Variants in DIS3L2 observed in about 807,000 individuals in gnomAD.
DIS3L2 encodes DIS3 like 3'-5' exoribonuclease 2.
Under a neutral mutation model 97.5 loss-of-function variants are expected in DIS3L2, and 34 were observed. The ratio of observed to expected loss-of-function variants is 0.35; its 90% CI spans 0.27 to 0.46. The LOEUF (loss-of-function observed/expected upper bound fraction) is 0.46. Among genes scored for constraint, DIS3L2 ranks in the 20% least tolerant of loss-of-function variants. The pLI, the probability that DIS3L2 is intolerant of heterozygous loss-of-function variation, is 1.00. For missense variants in DIS3L2, 1,038 were observed against 1,146.0 expected (o/e 0.91, Z 1.36); for synonymous variants, 435 against 445.2 (o/e 0.98, Z 0.29).
intron 10 of DIS3L2, among the ~76,000 whole-genome samples, chr2:232,227,457 G>A (rs896569118): frequency 6.6e-6 from 1 of 152,204 alleles, no homozygotes; most frequent in Non-Finnish European, 1.5e-5. Context: ...ATATAATGAA[G>A]TGCTTTAAAA....
At chr2:232,283,909 C>T (rs973641772) in intron 13 of DIS3L2, among the ~76,000 whole-genome samples, 1 of 152,116 alleles carries the variant, frequency 6.6e-6, no homozygotes, top group Non-Finnish European at 1.5e-5. Context: ...TAGACACACC[C>T]ATTATGCCAA....
intron 7 of DIS3L2, among the ~76,000 whole-genome samples, chr2:232,135,986 T>C (rs1306033236): frequency 6.6e-6 from 1 of 152,180 alleles, no homozygotes; most frequent in Non-Finnish European, 1.5e-5. Flanking sequence ...AATTAGAGCT[T>C]GGGCTTAATC....
intron 1 of DIS3L2, among the ~76,000 whole-genome samples, chr2:231,972,102 T>A (rs986671125): frequency 2.6e-5 from 4 of 151,722 alleles, no homozygotes; most frequent in Non-Finnish European, 5.9e-5. Flanking sequence ...GGAGAATTGC[T>A]TGAACCTGGG....
At position 232,140,065 on chromosome 2, in the gene DIS3L2, A is replaced by G. The variant is rs866991035; in HGVS notation, c.950+3346A>G. ...CTCAGTTCCTTCTGTGGTCTTCACTATCGAAAATCAAACTTGCCATTTCCC... is the reference window on the plus strand; with the variant it reads ...CTCAGTTCCTTCTGTGGTCTTCACTGTCGAAAATCAAACTTGCCATTTCCC... On this transcript the variant is annotated intron_variant, in intron 8 of 20. Transcript: ENST00000325385. 3.9e-5 allele frequency among the ~76,000 whole-genome samples: 6 copies of G among 152,270 alleles called. No individual in the cohort carries two copies. The South Asian group carries it at 8.3e-4, about 21-fold the overall frequency.
intron 9 of DIS3L2, among the ~76,000 whole-genome samples, chr2:232,203,607 A>T (rs1691953898): frequency 6.6e-6 from 1 of 152,226 alleles, no homozygotes. Flanking sequence ...GCTGGAAGGG[A>T]TATAAAGACA....
chr2:232,284,448 C>T (rs545040680), intron 13 of DIS3L2, among the ~76,000 whole-genome samples: 23 of 152,316 alleles, frequency 1.5e-4, no homozygotes, highest in African/African-American at 4.6e-4. Flanking sequence ...TTCGATACCA[C>T]GATCAATGTT....
chr2:232,032,591 A>G (rs1343537919), intron 5 of DIS3L2, among the ~76,000 whole-genome samples: 1 of 152,158 alleles, frequency 6.6e-6, no homozygotes, highest in Non-Finnish European at 1.5e-5. Flanking sequence ...TTATGTCCTG[A>G]ATGGTATTGC....
chr2:232,138,177 A>G lies in DIS3L2; in HGVS notation c.950+1458A>G, dbSNP rs115060611. On this transcript the variant is annotated intron_variant, in intron 8 of 20. Coordinates refer to ENST00000325385, the MANE Select transcript of DIS3L2 (RefSeq NM_152383.5). ...TCTCTTATTACTTTCATGGCCTTAT[A>G]GGTATTTTTTAATTTTTATTTTTTT... Among the ~76,000 whole-genome samples the G allele has an allele frequency of 2.9e-3, 435 of 152,228 alleles. 1 individual carries two copies. The highest frequency in any genetic ancestry group is 4.7e-3 in the Non-Finnish European group (323 of 68,010).
chr2:232,316,313 T>G (rs1279983425), intron 14 of DIS3L2, among the ~76,000 whole-genome samples: 1 of 152,132 alleles, frequency 6.6e-6, no homozygotes, highest in Admixed American at 6.5e-5. Context: ...TACGATTATG[T>G]CCTGTTCTTT....
At chr2:232,329,788 C>CGGGGGGGCA in intron 14 of DIS3L2, 25 bp from the exon 15 acceptor site, 2 of 1,080,634 alleles carry the variant, frequency 1.9e-6, no homozygotes, top group Non-Finnish European at 2.5e-6. Flanking sequence ...CCAGCGGTCC[C>CGGGGGGGCA]TCCCATCCCA....
At chr2:232,334,134 G>A in intron 17 of DIS3L2, 147 bp downstream of exon 17, 13 of 1,365,438 alleles carry the variant, frequency 9.5e-6, no homozygotes, top group Non-Finnish European at 1.3e-5. Context: ...AGCCTGGCCT[G>A]GAAACTCTCC....
chr2:232,202,022 C>T (rs112711661), intron 9 of DIS3L2, among the ~76,000 whole-genome samples: 1,782 of 152,286 alleles, frequency 0.012, 37 homozygotes, highest in African/African-American at 0.04. Flanking sequence ...TAAACCATGG[C>T]TTTCCTGGCC....
chr2:232,091,724 A>G (rs913601621), intron 6 of DIS3L2, among the ~76,000 whole-genome samples: 1 of 152,132 alleles, frequency 6.6e-6, no homozygotes, highest in Non-Finnish European at 1.5e-5. Flanking sequence ...GGAACTTCCA[A>G]ACTGTTCTCC....
In DIS3L2 at chr2:232,014,879, A is replaced by C; in HGVS notation, c.-49A>C. ...TCAAGGCGGGAACTCTGAGCTAAGCAGTGGAGGTTTCTCTGGATCTGGAGA... is the reference window on the plus strand; with the variant it reads ...TCAAGGCGGGAACTCTGAGCTAAGCCGTGGAGGTTTCTCTGGATCTGGAGA... On this transcript the variant is annotated 5_prime_UTR_variant, in exon 2 of 21. Transcript: ENST00000325385. 1 of 1,602,828 alleles carries C rather than the reference A, an allele frequency of 6.2e-7. No individual in the cohort carries two copies. Among genetic ancestry groups the C allele is most frequent in the Non-Finnish European group, 8.5e-7 (1 of 1,171,012 alleles).
chr2:232,233,689 G>A (rs1692856840), intron 10 of DIS3L2, among the ~76,000 whole-genome samples: 1 of 152,232 alleles, frequency 6.6e-6, no homozygotes, highest in South Asian at 2.1e-4. Flanking sequence ...GCTGGTAAGG[G>A]AAGGCCCCAC....
chr2:232,133,915 G>A lies in DIS3L2; in HGVS notation c.703-2557G>A, dbSNP rs187544984. Reference sequence around the variant, plus strand: ...AGACAGGAGAATCTCTTGAACCCAGGAGGCGGAGGTTGTAGTGAGCTGAAA... The same window carrying A: ...AGACAGGAGAATCTCTTGAACCCAGAAGGCGGAGGTTGTAGTGAGCTGAAA... On this transcript the variant is annotated intron_variant, in intron 7 of 20. Coordinates refer to ENST00000325385, the MANE Select transcript of DIS3L2 (RefSeq NM_152383.5). Among the ~76,000 whole-genome samples, 40 of 142,204 alleles carry A rather than the reference G, an allele frequency of 2.8e-4. No homozygotes were observed. The East Asian group carries it at 7.7e-3, about 27-fold the overall frequency. 93.3% of individuals were successfully genotyped at this position (142,204 alleles called of 152,430 possible). A position where few individuals can be genotyped will look rare whatever the true frequency, so the allele number is the denominator to read the frequency against.
chr2:232,232,477 A>G (rs370185456), intron 10 of DIS3L2, among the ~76,000 whole-genome samples: 2 of 152,176 alleles, frequency 1.3e-5, no homozygotes, highest in East Asian at 3.8e-4. Flanking sequence ...GTGGGAAGGA[A>G]GACATATGGG....
intron 6 of DIS3L2, among the ~76,000 whole-genome samples, chr2:232,121,640 T>C (rs1697909723): frequency 6.6e-6 from 1 of 152,180 alleles, no homozygotes; most frequent in Non-Finnish European, 1.5e-5. Context: ...CACGCCTTAG[T>C]GTGCACTGGA....
At chr2:232,169,791 G>A (rs1201487371) in intron 9 of DIS3L2, among the ~76,000 whole-genome samples, 2 of 152,132 alleles carry the variant, frequency 1.3e-5, no homozygotes, top group Non-Finnish European at 2.9e-5. Context: ...ATTATATTTG[G>A]AACAGAAAAG....
Sources: gnomAD v4.1 joint callset for allele counts (sites outside exome capture counted in the v4.1 genomes callset) on GRCh38, gnomAD v4.1.1 for gene constraint, MANE v1.5 for transcripts, NCBI Gene and HGNC (gene_info 2026-07-23, HGNC 2026-07-21) for gene names.